Variants in LRRC53 observed in about 807,000 individuals in gnomAD.
The protein encoded by LRRC53 is leucine-rich repeat-containing protein 53.
A neutral mutation model predicts 13.6 loss-of-function variants in LRRC53; 25 were observed. The ratio of observed to expected loss-of-function variants is 1.83; its 90% confidence interval spans 1.34 to 2.56. The LOEUF (loss-of-function observed/expected upper bound fraction) is 2.56, where lower values mean the gene tolerates loss of function less well. Among genes scored for constraint, LRRC53 ranks in the 30% most tolerant of loss-of-function variants. The probability of loss-of-function intolerance (pLI) is 0.00; values close to 1 mark genes in which losing one functional copy is unlikely to be tolerated. For synonymous variants in LRRC53, 204 were observed against 109.8 expected (o/e 1.86, Z -5.37); for missense variants, 527 against 275.8 (o/e 1.91, Z -6.45).
intron 1 of LRRC53, among the ~76,000 whole-genome samples, chr1:74,485,824 G>C (rs1668729742): frequency 6.6e-6 from 1 of 152,010 alleles, no homozygotes; most frequent in Non-Finnish European, 1.5e-5. Flanking sequence ...GTCATTTCTG[G>C]GCAACAGATG....
intron 1 of LRRC53, among the ~76,000 whole-genome samples, chr1:74,495,917 C>A (rs765392121): frequency 6.6e-6 from 1 of 152,220 alleles, no homozygotes; most frequent in African/African-American, 2.4e-5. Context: ...GTGAGAACAG[C>A]GATCAATAGG....
chr1:74,503,702 G>T (rs78132824), intron 1 of LRRC53, among the ~76,000 whole-genome samples: 2,235 of 152,292 alleles, frequency 0.015, 52 homozygotes, highest in East Asian at 0.069. Flanking sequence ...AGGCAAAGGA[G>T]AGAAGCTAGA....
At chr1:74,492,183 C>T in intron 1 of LRRC53, 1 of 1,612,990 alleles carries the variant, frequency 6.2e-7, no homozygotes, top group Non-Finnish European at 8.5e-7. Flanking sequence ...GAGGACCTGG[C>T]CGGAGTCATG....
At chr1:74,482,511 C>T (rs886827889) in intron 2 of LRRC53, among the ~76,000 whole-genome samples, 4 of 152,182 alleles carry the variant, frequency 2.6e-5, no homozygotes, top group African/African-American at 4.8e-5. Flanking sequence ...GAAAACCTCT[C>T]TGTCCTGTCA....
intron 1 of LRRC53, among the ~76,000 whole-genome samples, chr1:74,485,372 G>A (rs1668702185): frequency 6.6e-6 from 1 of 152,316 alleles, no homozygotes; most frequent in Non-Finnish European, 1.5e-5. Context: ...TACCTGGCCG[G>A]TTAGTCGGCC....
At chr1:74,511,208 C>G (rs1295232735) in intron 1 of LRRC53, among the ~76,000 whole-genome samples, 1 of 101,474 alleles carries the variant, frequency 9.9e-6, no homozygotes, top group Non-Finnish European at 2.0e-5. Context: ...TTTTTTTTTT[C>G]CGAGATGGAA....
intron 1 of LRRC53, among the ~76,000 whole-genome samples, chr1:74,499,703 A>T (rs1669512895): frequency 6.6e-6 from 1 of 152,130 alleles, no homozygotes; most frequent in African/African-American, 2.4e-5. Flanking sequence ...TGAGATTTTG[A>T]TTATAGATAT....
At chr1:74,510,880 A>C (rs1256610595) in intron 1 of LRRC53, among the ~76,000 whole-genome samples, 1 of 152,128 alleles carries the variant, frequency 6.6e-6, no homozygotes, top group Non-Finnish European at 1.5e-5. Context: ...GTTTTAGCAA[A>C]CTGAATATGC....
At chr1:74,528,039 A>G in the LRRC53 span, among the ~76,000 whole-genome samples, 5 of 152,176 alleles carry the variant, frequency 3.3e-5, no homozygotes, top group Non-Finnish European at 7.4e-5. Flanking sequence ...GTACCCTGAC[A>G]GAGGAGATCA....
At chr1:74,517,423 C>T (rs183593605), upstream of LRRC53, among the ~76,000 whole-genome samples, 3 of 152,330 alleles carry the variant, frequency 2.0e-5, no homozygotes, top group Non-Finnish European at 4.4e-5. Context: ...CCTTCAAACA[C>T]TTACTTGAGC....
intron 4 of LRRC53, among the ~76,000 whole-genome samples, chr1:74,474,991 A>T (rs1668116756): frequency 1.3e-5 from 1 of 79,852 alleles, no homozygotes; most frequent in South Asian, 5.6e-4. Flanking sequence ...CACTATTGCT[A>T]TTTAAAAGGC....
upstream of LRRC53, among the ~76,000 whole-genome samples, chr1:74,514,142 T>A (rs1376685567): frequency 6.6e-6 from 1 of 152,228 alleles, no homozygotes; most frequent in Non-Finnish European, 1.5e-5. Context: ...CATAGAGTCT[T>A]GTAATGCAGA....
At chr1:74,486,447 T>C (rs1668768300) in intron 1 of LRRC53, among the ~76,000 whole-genome samples, 1 of 151,848 alleles carries the variant, frequency 6.6e-6, no homozygotes, top group South Asian at 2.1e-4. Context: ...TATATAAGAG[T>C]AAAGTATGAT....
At position 74,471,505 on chromosome 1, in the gene LRRC53, G is replaced by C. The variant is rs1667931532; in HGVS notation, c.2117C>G (p.Ser706Cys). ...TCCTTTAATTTTCCCTTTGAGGTCA[G>C]ACTGAGGGGTTCTCTTCCTTTTCAG... ...WVLKRKRTPQ[S>C]DLKGKIKGQN... The change falls in exon 5 of 5, where the codon TCT becomes TGT. Residue 706 changes from serine to cysteine, a missense_variant. Coordinates refer to ENST00000294635, the MANE Select transcript of LRRC53 (RefSeq NM_001382280.1). 2.5e-6 allele frequency: 1 copy of C among 400,524 alleles called. No homozygotes were observed. The allele number at this position is 400,524 out of a possible 1,614,324, so 24.8% of individuals were successfully genotyped here.
the LRRC53 span, among the ~76,000 whole-genome samples, chr1:74,518,525 T>G: frequency 6.6e-6 from 1 of 152,130 alleles, no homozygotes; most frequent in Non-Finnish European, 1.5e-5. Context: ...CTTTTTAGGG[T>G]GGCTCTATGG....
At chr1:74,517,025 A>G (rs1216988372), upstream of LRRC53, among the ~76,000 whole-genome samples, 1 of 152,228 alleles carries the variant, frequency 6.6e-6, no homozygotes, top group Non-Finnish European at 1.5e-5. Context: ...TCAAAAAAAT[A>G]AAAACAGAAA....
At chr1:74,490,039 A>AT (rs3835393) in intron 1 of LRRC53, among the ~76,000 whole-genome samples, 83 of 114,364 alleles carry the variant, frequency 7.3e-4, no homozygotes, top group African/African-American at 2.6e-3. Context: ...GAAAAGCAGG[A>AT]TTTTTTTTTC....
Position 74,470,402 on chromosome 1 carries a change from G to C in LRRC53, c.3220C>G (p.Leu1074Val). ...ALPRNDGTEALEIKIVGKEEK... is the reference protein window; with the variant it reads ...ALPRNDGTEAVEIKIVGKEEK... Reference sequence around the variant, plus strand: ...TCTTTCCCTACTATTTTTATCTCTAGTGCTTCAGTGCCGTCATTTCTGGGC... The same window carrying C: ...TCTTTCCCTACTATTTTTATCTCTACTGCTTCAGTGCCGTCATTTCTGGGC... The change falls in exon 5 of 5, where the codon CTA (leucine) becomes GTA (valine). Residue 1074 changes from leucine to valine, a missense_variant. Leu to Val is a conservative substitution (Grantham distance 32). Coordinates refer to ENST00000294635, the MANE Select transcript of LRRC53 (RefSeq NM_001382280.1). 2.5e-6 allele frequency: 1 copy of C among 400,510 alleles called. No individual in the cohort carries two copies. Among genetic ancestry groups the C allele is most frequent in the Non-Finnish European group, 4.4e-6 (1 of 226,178 alleles). The allele number at this position is 400,510 out of a possible 1,614,324, so 24.8% of individuals were successfully genotyped here. A position where few individuals can be genotyped will look rare whatever the true frequency, so the allele number is the denominator to read the frequency against.
At chr1:74,503,728 A>G (rs912063155) in intron 1 of LRRC53, among the ~76,000 whole-genome samples, 2 of 152,240 alleles carry the variant, frequency 1.3e-5, no homozygotes, top group African/African-American at 4.8e-5. Context: ...AGCAAGTGCC[A>G]CGATGCCTAT....
Sources: allele counts gnomAD v4.1 joint callset (sites outside exome capture counted in the v4.1 genomes callset), GRCh38; gene constraint gnomAD v4.1.1; transcripts MANE v1.5; gene names NCBI Gene and HGNC (gene_info 2026-07-23, HGNC 2026-07-21).